The following KIAA0753 variants were observed in gnomAD, a reference collection of about 807,000 sequenced individuals.
KIAA0753 encodes the protein protein moonraker.
In KIAA0753, 114 loss-of-function variants were observed where a neutral mutation model predicts 116.9. The ratio of observed to expected loss-of-function variants is 0.98; its 90% CI spans 0.84 to 1.14. The LOEUF (loss-of-function observed/expected upper bound fraction) is 1.14, where lower values mean the gene tolerates loss of function less well. KIAA0753 is among the 50% of genes most tolerant of loss of function. The pLI, the probability that KIAA0753 is intolerant of heterozygous loss-of-function variation, is 0.00. For missense variants in KIAA0753, 1,156 were observed against 1,172.4 expected (o/e 0.99, Z 0.20); for synonymous variants, 405 against 413.1 (o/e 0.98, Z 0.24).
At chr17:6,625,161 A>G (rs1487358521) in intron 3 of KIAA0753, among the ~76,000 whole-genome samples, 1 of 152,180 alleles carries the variant, frequency 6.6e-6, no homozygotes, top group African/African-American at 2.4e-5. Context: ...ACTATTTTAG[A>G]ATTCCTTATA....
intron 1 of KIAA0753, chr17:6,637,281 C>A (rs1004823129): frequency 6.6e-6 from 1 of 152,418 alleles, no homozygotes; most frequent in African/African-American, 2.4e-5. Flanking sequence ...GCAGAGGCAC[C>A]CTCCCGGCCT....
chr17:6,618,002 T>C lies in KIAA0753; in HGVS notation c.1315+2786A>G, dbSNP rs192477427. Among the ~76,000 whole-genome samples the C allele has an allele frequency of 3.9e-5, 6 of 152,164 alleles. No homozygotes were observed. In the East Asian group the frequency reaches 1.2e-3, roughly 29 times the overall value. On this transcript the variant is annotated intron_variant, in intron 7 of 18. Coordinates refer to ENST00000361413, the MANE Select transcript of KIAA0753 (RefSeq NM_014804.3). ...CTGTAATCCCAGCTACTCAGGAGGC[T>C]GAGGCAGGAGAATCACTTGAACCTG...
At chr17:6,610,260 T>A in intron 8 of KIAA0753, 100 bp from the exon 9 acceptor site, 2 of 1,237,476 alleles carry the variant, frequency 1.6e-6, no homozygotes, top group Non-Finnish European at 2.2e-6. Flanking sequence ...ATGTTATTCA[T>A]GCATCCATTC....
At chr17:6,614,257 C>T (rs1970731896) in intron 7 of KIAA0753, among the ~76,000 whole-genome samples, 2 of 152,076 alleles carry the variant, frequency 1.3e-5, no homozygotes, top group African/African-American at 4.8e-5. Flanking sequence ...AATCTCACTC[C>T]TAGGTATATA....
chr17:6,589,185 T>TCAA (rs1567537293), intron 18 of KIAA0753, among the ~76,000 whole-genome samples: 2 of 152,106 alleles, frequency 1.3e-5, no homozygotes, highest in African/African-American at 4.8e-5. Context: ...CTTTGGGAGA[T>TCAA]AATTAGGTTT....
In KIAA0753 at chr17:6,578,716, A is replaced by G. The variant is rs1280927065; in HGVS notation, c.*1031T>C. On this transcript the variant is annotated 3_prime_UTR_variant, in exon 19 of 19. Coordinates refer to ENST00000361413, the MANE Select transcript of KIAA0753 (RefSeq NM_014804.3). ...AGCCTCAGGCTACGAATTGAGAGAA[A>G]GTCTTTCCAGGCAGTGGCCTGATTC... The G allele has an allele frequency of 6.6e-6, 1 of 152,202 alleles. No individual in the cohort carries two copies. The highest frequency in any genetic ancestry group is 1.9e-4 in the East Asian group (1 of 5,190). 9.4% of individuals were successfully genotyped at this position (152,202 alleles called of 1,614,324 possible).
intron 2 of KIAA0753, among the ~76,000 whole-genome samples, chr17:6,630,632 C>T (rs1971967800): frequency 6.6e-6 from 1 of 152,174 alleles, no homozygotes; most frequent in African/African-American, 2.4e-5. Flanking sequence ...GGGTTACTCA[C>T]TGCTATATTG....
At chr17:6,591,036 AGAAG>A (rs1490510187) in intron 16 of KIAA0753, among the ~76,000 whole-genome samples, 4 of 84,062 alleles carry the variant, frequency 4.8e-5, no homozygotes, top group East Asian at 8.3e-4. Context: ...GGAAGAAGGA[AGAAG>A]GAAGAAGAAG....
Position 6,635,060 on chromosome 17 carries a change from G to C in KIAA0753, c.44C>G (p.Pro15Arg). 6.2e-7 allele frequency: 1 copy of C among 1,613,992 alleles called. No homozygotes were observed. Among genetic ancestry groups the C allele is most frequent in the Non-Finnish European group, 8.5e-7 (1 of 1,179,880 alleles). The change falls in exon 2 of 19, where the codon CCT (proline) becomes CGT (arginine). Residue 15 changes from proline (P) to arginine (R), a missense_variant. By Grantham distance (103) the Pro-to-Arg change is moderately radical. Transcript: ENST00000361413. ...QPASTCVHLA[P>R]RTQLDGRSDP... The stretch of plus-strand genomic sequence containing the variant: ...GCTCCTCCCATCAAGTTGGGTCCTA[G>C]GTGCTAGATGAACACAGGTTGAAGC...
intron 7 of KIAA0753, among the ~76,000 whole-genome samples, chr17:6,613,715 T>C (rs1038741400): frequency 6.6e-5 from 10 of 152,118 alleles, no homozygotes; most frequent in Non-Finnish European, 1.5e-4. Context: ...TGCCTCACAT[T>C]GAACACTTAA....
chr17:6,589,275 T>C (rs180745403), intron 18 of KIAA0753, among the ~76,000 whole-genome samples: 3 of 152,330 alleles, frequency 2.0e-5, no homozygotes, highest in East Asian at 1.9e-4. Context: ...GTTCCCTTTC[T>C]CTGTCACTTG....
chr17:6,634,324 G>A lies in KIAA0753; in HGVS notation c.93+687C>T, dbSNP rs186229139. On this transcript the variant is annotated intron_variant, in intron 2 of 18. Coordinates refer to ENST00000361413, the MANE Select transcript of KIAA0753 (RefSeq NM_014804.3). ...TCACTATGTTAGTCAGGCTGGTCTC[G>A]AACTCCTGACCTCTGGTGATCCGCC... is the stretch of plus-strand genomic sequence containing the variant. 1.1e-4 allele frequency among the ~76,000 whole-genome samples: 16 copies of A among 152,196 alleles called. No individual in the cohort carries two copies. The East Asian group carries it at 1.9e-3, about 18-fold the overall frequency.
chr17:6,592,043 T>A (rs905941968), intron 16 of KIAA0753, among the ~76,000 whole-genome samples: 3 of 152,190 alleles, frequency 2.0e-5, no homozygotes, highest in Admixed American at 2.0e-4. Flanking sequence ...AGTGCAGAGA[T>A]GCCAGGGAAA....
intron 12 of KIAA0753, among the ~76,000 whole-genome samples, chr17:6,603,037 G>C (rs936689645): frequency 1.3e-5 from 2 of 152,134 alleles, no homozygotes; most frequent in African/African-American, 2.4e-5. Context: ...GAATATAATA[G>C]AGCTCTCAAC....
chr17:6,628,386 T>C lies in KIAA0753; in HGVS notation c.449A>G (p.Lys150Arg), dbSNP rs753455495. The C allele has an allele frequency of 2.5e-6, 4 of 1,614,168 alleles. No homozygotes were observed. The South Asian group carries it at 4.4e-5, about 18-fold the overall frequency. The change falls in exon 3 of 19, where the codon AAG (lysine) becomes AGG (arginine). Residue 150 changes from lysine to arginine, a missense_variant. Coordinates refer to ENST00000361413, the MANE Select transcript of KIAA0753 (RefSeq NM_014804.3). ...GCTACACTGACAGGCTGCTTGACTC[T>C]TTGATTCCTTCCTTTCCACCCTGTG... is the stretch of plus-strand genomic sequence containing the variant. ...PDHRVERKES[K>R]SQAACQCSHQ...
chr17:6,634,822 C>A, intron 2 of KIAA0753, 189 bp downstream of exon 2: 1 of 541,856 alleles, frequency 1.8e-6, no homozygotes, highest in Non-Finnish European at 3.3e-6. Context: ...ATCAGGTTGA[C>A]TGCAATTTGC....
chr17:6,590,385 G>T, intron 17 of KIAA0753, 125 bp downstream of exon 17: 1 of 1,149,560 alleles, frequency 8.7e-7, no homozygotes. Context: ...CCATCTTGGA[G>T]TTTGGCAAGA....
chr17:6,609,956 C>T, intron 9 of KIAA0753, 38 bp downstream of exon 9: 2 of 1,604,924 alleles, frequency 1.2e-6, no homozygotes, highest in Non-Finnish European at 1.7e-6. Context: ...GGAAAAAGAG[C>T]ATCACATACA....
chr17:6,602,494 G>A (rs1278229222), intron 12 of KIAA0753, among the ~76,000 whole-genome samples: 2 of 152,288 alleles, frequency 1.3e-5, no homozygotes, highest in East Asian at 3.9e-4. Context: ...ACATTTTCTT[G>A]AGCAAAAGAA....
Sources: gnomAD v4.1 joint callset for allele counts (sites outside exome capture counted in the v4.1 genomes callset) on GRCh38, gnomAD v4.1.1 for gene constraint, MANE v1.5 for transcripts, NCBI Gene and HGNC (gene_info 2026-07-23, HGNC 2026-07-21) for gene names.